CEP290: variants seen among roughly 807,000 people sequenced by gnomAD.
CEP290 encodes centrosomal protein 290.
Under a neutral mutation model 344.9 loss-of-function variants are expected in CEP290, and 317 were observed. The observed-to-expected ratio is 0.92, with a 90% CI of 0.84 to 1.01. The LOEUF is 1.01. Among genes scored for constraint, CEP290 ranks in the 50% least tolerant of loss-of-function variants. The probability of loss-of-function intolerance (pLI) is 0.00; values close to 1 mark genes in which losing one functional copy is unlikely to be tolerated. For synonymous variants in CEP290, 932 were observed against 895.8 expected, an observed-to-expected ratio of 1.04 and a Z score of -0.72; for missense variants, 2,754 against 2,761.4, an observed-to-expected ratio of 1.00 and a Z score of 0.06.
At chr12:88,090,895 C>T in intron 29 of CEP290, 56 bp from the exon 30 acceptor site, 1 of 1,042,208 alleles carries the variant, frequency 9.6e-7, no homozygotes, top group South Asian at 1.6e-5. Context: ...AAGTAAATGC[C>T]AAAATTCAAA....
intron 30 of CEP290, 42 bp from the exon 31 acceptor site, chr12:88,089,529 T>C: frequency 7.5e-7 from 1 of 1,327,826 alleles, no homozygotes; most frequent in Non-Finnish European, 9.8e-7. Context: ...AGTTTCAAAT[T>C]TTTCCAGTGA....
At chr12:88,095,332 G>A (rs554309888) in intron 27 of CEP290, among the ~76,000 whole-genome samples, 2 of 152,130 alleles carry the variant, frequency 1.3e-5, no homozygotes, top group East Asian at 1.9e-4. Context: ...AAAAGCTAAT[G>A]ATGTGACATT....
At chr12:88,076,241 C>T (rs2471544) in intron 41 of CEP290, among the ~76,000 whole-genome samples, 31 of 152,034 alleles carry the variant, frequency 2.0e-4, no homozygotes, top group African/African-American at 7.0e-4. Flanking sequence ...TGTGACTCCA[C>T]GCAAATAGTG....
In CEP290 at chr12:88,111,604, CA is replaced by C. The variant is rs1163679597; in HGVS notation, c.2217+89del. The C allele has an allele frequency of 1.2e-5, 13 of 1,126,780 alleles. 1 individual carries two copies. The Admixed American group carries it at 3.7e-4, about 32-fold the overall frequency. 69.8% of individuals were successfully genotyped at this position (1,126,780 alleles called of 1,614,324 possible). A position where few individuals can be genotyped will look rare whatever the true frequency, so the allele number is the denominator to read the frequency against. On this transcript the variant is annotated intron_variant, in intron 21 of 53. Coordinates refer to ENST00000552810, the MANE Select transcript of CEP290 (RefSeq NM_025114.4). ...AGAATTAATTCAAGGGGCATTTTCT[CA>C]TAAAGCATTCTTTTTAAAAAATTAA...
rs2034283076 is a variant in CEP290 at position 88,059,446 on chromosome 12, T to C, written c.6646-426A>G. On this transcript the variant is annotated intron_variant, in intron 48 of 53. Transcript: ENST00000552810. ...TGTTTGAGATGGAGTCTCGCTCTGT[T>C]GCCCAGGCTGGAGTGTAGTGGTGCG... is the stretch of plus-strand genomic sequence containing the variant. 1.3e-5 allele frequency among the ~76,000 whole-genome samples: 2 copies of C among 152,146 alleles called. 1 individual carries two copies. The highest frequency in any genetic ancestry group is 4.1e-4 in the South Asian group (2 of 4,826).
At chr12:88,082,908 G>T (rs1286331727) in intron 37 of CEP290, 123 bp downstream of exon 37, 3 of 588,906 alleles carry the variant, frequency 5.1e-6, no homozygotes, top group Non-Finnish European at 8.5e-6. Context: ...CAGTCCTGAG[G>T]ATAAAAATGA....
chr12:88,079,206 T>C lies in CEP290; in HGVS notation c.5250A>G (p.Glu1750=), dbSNP rs1359087341. Residue 1750 remains glutamate (E), a synonymous_variant, in exon 39 of 54, where the codon GAA becomes GAG. Coordinates refer to ENST00000552810, the MANE Select transcript of CEP290 (RefSeq NM_025114.4). The part of the protein sequence containing the change: ...QQKALSRALL[E]LRAEMTAAAE... ...CAGCTGCTGTCATTTCTGCCCGGAGTTCTAAAAGTGCCCGACTAAGTGCCT... is the reference window on the plus strand; with the variant it reads ...CAGCTGCTGTCATTTCTGCCCGGAGCTCTAAAAGTGCCCGACTAAGTGCCT... 2 of 1,593,068 alleles carry C rather than the reference T, an allele frequency of 1.3e-6. No homozygotes were observed. Among genetic ancestry groups the C allele is most frequent in the Non-Finnish European group, 1.7e-6 (2 of 1,173,234 alleles).
At chr12:88,092,475 G>T (rs1196799101) in intron 29 of CEP290, among the ~76,000 whole-genome samples, 3 of 152,048 alleles carry the variant, frequency 2.0e-5, no homozygotes, top group Non-Finnish European at 4.4e-5. Flanking sequence ...ATCTTGAGAG[G>T]TCACTTCCTC....
intron 20 of CEP290, among the ~76,000 whole-genome samples, chr12:88,113,955 C>T (rs2468257): frequency 0.78 from 118,649 of 151,946 alleles, 50,377 homozygotes; most frequent in East Asian, 0.96. Context: ...CCCTCAAATA[C>T]GGAAGACAGG....
intron 10 of CEP290, 78 bp downstream of exon 10, chr12:88,129,616 T>C: frequency 1.2e-6 from 1 of 814,156 alleles, no homozygotes; most frequent in Non-Finnish European, 1.8e-6. Context: ...CTAGAAAAAG[T>C]ACTTTCTAGT....
Position 88,141,304 on chromosome 12 carries a change from G to A in CEP290, c.4C>T (p.Pro2Ser), listed in dbSNP as rs1064795491. The A allele has an allele frequency of 5.6e-6, 9 of 1,607,958 alleles. No individual in the cohort carries two copies. Among genetic ancestry groups the A allele is most frequent in the Non-Finnish European group, 7.6e-6 (9 of 1,176,626 alleles). Residue 2 changes from proline (P) to serine (S), a missense_variant, in exon 2 of 54, where the codon CCA (proline) becomes TCA (serine). Physicochemically the swap from Pro to Ser is moderately conservative, Grantham distance 74 (BLOSUM62 -1). Coordinates refer to ENST00000552810, the MANE Select transcript of CEP290 (RefSeq NM_025114.4). M[P>S]PNINWKEIMK... ...ATTTCTTTCCAGTTTATATTAGGTG[G>A]CATCTTGAATTCTTTCACTGTGCTC...
At chr12:88,070,689 G>A (rs1329433251) in intron 43 of CEP290, among the ~76,000 whole-genome samples, 3 of 151,992 alleles carry the variant, frequency 2.0e-5, no homozygotes, top group African/African-American at 7.2e-5. Flanking sequence ...GCAGAAGTGT[G>A]CAATTCCTGA....
At position 88,069,687 on chromosome 12, in the gene CEP290, C is replaced by A. The variant is rs149283706; in HGVS notation, c.6012-1042G>T. Among the ~76,000 whole-genome samples, 676 of 152,160 alleles carry A rather than the reference C, an allele frequency of 4.4e-3. 2 individuals carry two copies. The highest frequency in any genetic ancestry group is 7.0e-3 in the Non-Finnish European group (476 of 67,980). The stretch of plus-strand genomic sequence containing the variant: ...TGGATTAGAAGCTCATGAGAGTGTT[C>A]GTTTAAATAAGTTCAACTTCGTATG... On this transcript the variant is annotated intron_variant, in intron 43 of 53. Coordinates refer to ENST00000552810, the MANE Select transcript of CEP290 (RefSeq NM_025114.4).
intron 43 of CEP290, among the ~76,000 whole-genome samples, chr12:88,068,934 T>C (rs564116344): frequency 5.3e-5 from 8 of 152,262 alleles, no homozygotes; most frequent in African/African-American, 1.9e-4. Context: ...ATGCATCCAT[T>C]TATATGGAAT....
At chr12:88,106,159 T>G (rs1030859020) in intron 25 of CEP290, among the ~76,000 whole-genome samples, 1 of 152,200 alleles carries the variant, frequency 6.6e-6, no homozygotes, top group South Asian at 2.1e-4. Context: ...TATGAAGTAT[T>G]CTTGCCAAAA....
chr12:88,061,134 AC>A lies in CEP290; in HGVS notation c.6358-141del, dbSNP rs1438800502. 3 of 601,288 alleles carry A rather than the reference AC, an allele frequency of 5.0e-6. No homozygotes were observed. The African/African-American group carries it at 5.8e-5, about 12-fold the overall frequency. 37.2% of individuals were successfully genotyped at this position (601,288 alleles called of 1,614,324 possible). A position where few individuals can be genotyped will look rare whatever the true frequency, so the allele number is the denominator to read the frequency against. The stretch of plus-strand genomic sequence containing the variant: ...TGTATTAATTCAATTCATCCTTAAA[AC>A]AATTCTATGAGATAGGAATTATAAT... On this transcript the variant is annotated intron_variant, in intron 46 of 53. Transcript: ENST00000552810.
intron 50 of CEP290, among the ~76,000 whole-genome samples, 183 bp downstream of exon 50, chr12:88,055,393 A>C (rs1479993196): frequency 6.6e-6 from 1 of 152,184 alleles, no homozygotes; most frequent in Non-Finnish European, 1.5e-5. Flanking sequence ...AATGTGGAGA[A>C]TGAAAAGAAT....
chr12:88,122,852 C>T (rs556519206), intron 13 of CEP290, among the ~76,000 whole-genome samples: 19 of 152,124 alleles, frequency 1.2e-4, no homozygotes, highest in East Asian at 5.8e-4. Flanking sequence ...ACATTCTCCA[C>T]GTCTTCAATC....
chr12:88,094,104 G>C (rs756073206), intron 27 of CEP290, 129 bp from the exon 28 acceptor site: 4 of 666,192 alleles, frequency 6.0e-6, no homozygotes, highest in Non-Finnish European at 7.3e-6. Context: ...AATTCCATCA[G>C]ACCTGGACTC....
Sources: gnomAD v4.1 joint callset for allele counts (sites outside exome capture counted in the v4.1 genomes callset) on GRCh38, gnomAD v4.1.1 for gene constraint, MANE v1.5 for transcripts, NCBI Gene and HGNC (gene_info 2026-07-23, HGNC 2026-07-21) for gene names.